The following MSH6 variants were observed in gnomAD, a reference collection of about 807,000 sequenced individuals.
MSH6 encodes mutS homolog 6.
Under a neutral mutation model 119.1 loss-of-function variants are expected in MSH6, and 85 were observed. The observed-to-expected ratio is 0.71, with a 90% CI of 0.60 to 0.85. MSH6 has a LOEUF of 0.85. Among genes scored for constraint, MSH6 ranks in the 40% least tolerant of loss-of-function variants. The pLI, the probability that MSH6 is intolerant of heterozygous loss-of-function variation, is 0.00. For synonymous variants in MSH6, 830 were observed against 586.9 expected, an observed-to-expected ratio of 1.41 and a Z score of -5.99; for missense variants, 2,163 against 1,655.3, an observed-to-expected ratio of 1.31 and a Z score of -5.32.
chr2:47,810,078 C>T (rs964018505), downstream of MSH6: 7 of 497,558 alleles, frequency 1.4e-5, no homozygotes, highest in Non-Finnish European at 2.5e-5. Flanking sequence ...TTATTCTATC[C>T]CAATAAATGT....
chr2:47,802,868 G>A (rs1572733864), intron 4 of MSH6, among the ~76,000 whole-genome samples: 1 of 152,150 alleles, frequency 6.6e-6, no homozygotes, highest in Admixed American at 6.5e-5. Flanking sequence ...GGCACATTCT[G>A]CTAAGTAAGA....
chr2:47,799,835 C>G lies in MSH6; in HGVS notation c.1852C>G (p.Gln618Glu), dbSNP rs1411268654. 6.2e-7 allele frequency: 1 copy of G among 1,614,064 alleles called. No individual in the cohort carries two copies. Among genetic ancestry groups the G allele is most frequent in the Non-Finnish European group, 8.5e-7 (1 of 1,180,040 alleles). The stretch of plus-strand genomic sequence containing the variant: ...AAAGAGTTCATTGTCCTGTTCTCTT[C>G]AGGAAGGTCTGATACCCGGCTCCCA... The part of the protein sequence containing the change: ...ILKSSLSCSL[Q>E]EGLIPGSQFW... The change falls in exon 4 of 10, where the codon CAG becomes GAG. Residue 618 changes from glutamine (Q) to glutamate (E), a missense_variant. Coordinates refer to ENST00000234420, the MANE Select transcript of MSH6 (RefSeq NM_000179.3).
In MSH6 at chr2:47,799,128, A is replaced by G. The variant is rs1558660701; in HGVS notation, c.1145A>G (p.His382Arg). The G allele has an allele frequency of 6.2e-7, 1 of 1,614,186 alleles. No homozygotes were observed. Among genetic ancestry groups the G allele is most frequent in the Non-Finnish European group, 8.5e-7 (1 of 1,180,028 alleles). ...WLKEEKRRDE[H>R]RRRPDHPDFD... ...AAGGAGGAAAAGAGAAGAGATGAGC[A>G]CAGGAGGAGGCCTGATCACCCCGAT... The change falls in exon 4 of 10, where the codon CAC becomes CGC. Residue 382 changes from histidine (H) to arginine (R), a missense_variant. Physicochemically the swap from His to Arg is conservative, Grantham distance 29. Coordinates refer to ENST00000234420, the MANE Select transcript of MSH6 (RefSeq NM_000179.3).
rs201060668 is a variant in MSH6, at chr2:47,806,558, C to G, written c.3908C>G (p.Ala1303Gly). Reference protein sequence around the residue: ...ACPKSYGFNAARLANLPEEVI... With the variant: ...ACPKSYGFNAGRLANLPEEVI... ...CCTAAAAGCTATGGCTTTAATGCAG[C>G]AAGGCTTGCTAATCTCCCAGAGGAA... The change falls in exon 9 of 10, where the codon GCA becomes GGA. Residue 1303 changes from alanine (A) to glycine (G), a missense_variant. By Grantham distance (60) the Ala-to-Gly change is moderately conservative. Transcript: ENST00000234420. 6.2e-7 allele frequency: 1 copy of G among 1,613,656 alleles called. No homozygotes were observed. Among genetic ancestry groups the G allele is most frequent in the Non-Finnish European group, 8.5e-7 (1 of 1,179,814 alleles).
At chr2:47,798,536 C>G (rs770278091) in intron 3 of MSH6, 75 bp from the exon 4 acceptor site, 1 of 1,518,906 alleles carries the variant, frequency 6.6e-7, no homozygotes, top group Non-Finnish European at 9.0e-7. Context: ...GTCAAAAAAT[C>G]ATAAGTTGAA....
rs761663077 is a variant in MSH6 at position 47,804,865 on chromosome 2, CTG to C, written c.3439-43_3439-42del. 4 of 1,419,624 alleles carry C rather than the reference CTG, an allele frequency of 2.8e-6. No homozygotes were observed. In the South Asian group the frequency reaches 3.4e-5, roughly 12 times the overall value. The allele number at this position is 1,419,624 out of a possible 1,614,324, so 87.9% of individuals were successfully genotyped here. ...ATAAGAAAGACAAAAGTTTATGAAA[CTG>C]TTACTACCAGTCATAAAAGACCTTT... On this transcript the variant is annotated intron_variant, in intron 5 of 9. Coordinates refer to ENST00000234420, the MANE Select transcript of MSH6 (RefSeq NM_000179.3).
intron 2 of MSH6, 106 bp downstream of exon 2, chr2:47,791,229 T>C: frequency 9.0e-7 from 1 of 1,105,824 alleles, no homozygotes; most frequent in Non-Finnish European, 1.4e-6. Context: ...ATTAAGTGTA[T>C]TTTACCCCAG....
chr2:47,791,203 T>C, intron 2 of MSH6, 80 bp downstream of exon 2: 2 of 1,345,256 alleles, frequency 1.5e-6, no homozygotes, highest in Non-Finnish European at 2.1e-6. Flanking sequence ...AGGCAGACTT[T>C]TTTCTATATG....
rs267608100 is a variant in MSH6, at chr2:47,805,014, C to G, written c.3543C>G (p.Asp1181Glu). Residue 1181 changes from aspartate to glutamate, a missense_variant, in exon 6 of 10, where the codon GAC (aspartate) becomes GAG (glutamate). By Grantham distance (45) the Asp-to-Glu change is conservative. Coordinates refer to ENST00000234420, the MANE Select transcript of MSH6 (RefSeq NM_000179.3). ...DRVFTRLGAS[D>E]RIMSGESTFF... ...TGTTTACTAGACTTGGTGCCTCAGA[C>G]AGAATAATGTCAGGTGAGTTTTTTG... 17 of 1,611,688 alleles carry G rather than the reference C, an allele frequency of 1.1e-5. No individual in the cohort carries two copies. The highest frequency in any genetic ancestry group is 7.6e-6 in the Non-Finnish European group (9 of 1,177,824).
rs752683820 is a variant in MSH6, at chr2:47,805,177, C to A, written c.3556+150C>A. On this transcript the variant is annotated intron_variant, in intron 6 of 9. Coordinates refer to ENST00000234420, the MANE Select transcript of MSH6 (RefSeq NM_000179.3). ...TCACTTTTTAAGAACTGCATAGTCT[C>A]TCTCTCTTTTTTTTTTTTTTGAGAT... The A allele has an allele frequency of 4.0e-3, 2,514 of 629,128 alleles. 4 individuals carry two copies. The highest frequency in any genetic ancestry group is 4.3e-3 in the Non-Finnish European group (1,552 of 362,360). 39.0% of individuals were successfully genotyped at this position (629,128 alleles called of 1,614,324 possible).
rs41294984 is a variant in MSH6, at chr2:47,783,427, C to T, written c.194C>T (p.Ser65Leu). 2.7e-5 allele frequency: 40 copies of T among 1,506,660 alleles called. No individual in the cohort carries two copies. Among genetic ancestry groups the T allele is most frequent in the Non-Finnish European group, 3.1e-5 (35 of 1,130,000 alleles). The allele number at this position is 1,506,660 out of a possible 1,614,324, so 93.3% of individuals were successfully genotyped here. A position where few individuals can be genotyped will look rare whatever the true frequency, so the allele number is the denominator to read the frequency against. ...CCCAGGCCCTTGGCGCGCTCCGCGT[C>T]ACCGCCCAAGGCGAAGAACCTCAAC... ...PGPRPLARSASPPKAKNLNGG... is the reference protein window; with the variant it reads ...PGPRPLARSALPPKAKNLNGG... The change falls in exon 1 of 10, where the codon TCA (serine) becomes TTA (leucine). Residue 65 changes from serine (S) to leucine (L), a missense_variant. Ser to Leu is a moderately radical substitution (Grantham distance 145, BLOSUM62 -2). Coordinates refer to ENST00000234420, the MANE Select transcript of MSH6 (RefSeq NM_000179.3).
intron 4 of MSH6, 150 bp from the exon 5 acceptor site, chr2:47,803,270 G>C: frequency 9.2e-7 from 1 of 1,092,752 alleles, no homozygotes; most frequent in African/African-American, 1.6e-5. Flanking sequence ...AGATGTTAGA[G>C]GGTAAGTATT....
At chr2:47,809,097 G>A (rs1670435525), downstream of MSH6, 33 of 1,076,896 alleles carry the variant, frequency 3.1e-5, no homozygotes, top group Non-Finnish European at 4.4e-5. Context: ...GCTAGGCATT[G>A]CTAATTTAAA....
intron 1 of MSH6, 107 bp from the exon 2 acceptor site, chr2:47,790,820 C>G (rs3732185): frequency 2.5e-5 from 25 of 991,194 alleles, no homozygotes; most frequent in Non-Finnish European, 3.6e-5. Context: ...AATTTCTGTG[C>G]TTCAATATTA....
At chr2:47,809,608 G>C, downstream of MSH6, 2 of 1,610,278 alleles carry the variant, frequency 1.2e-6, no homozygotes, top group Non-Finnish European at 1.7e-6. Flanking sequence ...ACCTTTCATT[G>C]TCACATTAAC....
chr2:47,802,036 T>C (rs2104455385), intron 4 of MSH6, among the ~76,000 whole-genome samples: 1 of 152,382 alleles, frequency 6.6e-6, no homozygotes, highest in East Asian at 1.9e-4. Context: ...TTTTATTATT[T>C]GGTGAATACT....
downstream of MSH6, chr2:47,808,395 G>A: frequency 6.2e-7 from 1 of 1,607,154 alleles, no homozygotes. Flanking sequence ...CACACATATG[G>A]CATTTCGATC....
chr2:47,792,860 T>G (rs1194898102), intron 2 of MSH6, among the ~76,000 whole-genome samples: 1 of 147,106 alleles, frequency 6.8e-6, no homozygotes, highest in Non-Finnish European at 1.5e-5. Flanking sequence ...TTTTTTTTTT[T>G]TTTTTTTTTT....
At chr2:47,794,065 CA>C (rs70943323) in intron 2 of MSH6, among the ~76,000 whole-genome samples, 151,212 of 151,224 alleles carry the variant, frequency 1, 75,600 homozygotes, top group Admixed American at 1. Flanking sequence ...TAAGGCCAGG[CA>C]GTGGTGGCTC....
Sources: allele counts gnomAD v4.1 joint callset (sites outside exome capture counted in the v4.1 genomes callset), GRCh38; gene constraint gnomAD v4.1.1; transcripts MANE v1.5; gene names NCBI Gene and HGNC (gene_info 2026-07-23, HGNC 2026-07-21).